Variants in EME1 observed in about 807,000 individuals in gnomAD.
EME1 encodes the protein essential meiotic structure-specific endonuclease 1, also known as structure-specific endonuclease subunit EME1.
In EME1, 61 loss-of-function variants were observed where a neutral mutation model predicts 59.1. The ratio of observed to expected loss-of-function variants is 1.03; its 90% CI spans 0.84 to 1.28. EME1 has a LOEUF of 1.28. Among genes scored for constraint, EME1 ranks in the 50% most tolerant of loss-of-function variants. The pLI, the probability that EME1 is intolerant of heterozygous loss-of-function variation, is 0.00. For missense variants in EME1, 635 were observed against 682.6 expected (o/e 0.93, Z 0.78); for synonymous variants, 230 against 254.2 (o/e 0.90, Z 0.90).
At chr17:50,378,293 C>T (rs1295815207) in intron 3 of EME1, among the ~76,000 whole-genome samples, 1 of 151,078 alleles carries the variant, frequency 6.6e-6, no homozygotes, top group Non-Finnish European at 1.5e-5. Flanking sequence ...GCTTGATCTC[C>T]GACCTCGTGA....
intron 8 of EME1, 90 bp from the exon 9 acceptor site, chr17:50,380,673 T>A: frequency 3.2e-6 from 5 of 1,578,278 alleles, no homozygotes; most frequent in Non-Finnish European, 4.3e-6. Context: ...CAGGTTCTCA[T>A]GCCCCAAGCC....
chr17:50,380,603 A>G (rs1913766241), intron 8 of EME1, 102 bp downstream of exon 8: 11 of 1,539,660 alleles, frequency 7.1e-6, no homozygotes, highest in Non-Finnish European at 9.7e-6. Context: ...AAGGCCTCAC[A>G]GGTCAGCAGT....
Position 50,380,846 on chromosome 17 carries a change from C to G in EME1, c.1620C>G (p.Ser540=). The change falls in exon 9 of 9, where the codon TCC becomes TCG. Residue 540 remains serine (S), a synonymous_variant. Transcript: ENST00000338165. The part of the protein sequence containing the change: ...IQVRRGEGVT[S]TSRRIGPELS... ...TGCGCCGTGGGGAAGGTGTGACATC[C>G]ACTTCTCGCCGCATTGGACCAGAAC... The G allele has an allele frequency of 6.2e-7, 1 of 1,614,186 alleles. No homozygotes were observed.
chr17:50,375,560 C>T lies in EME1; in HGVS notation c.352C>T (p.Pro118Ser), dbSNP rs1440374124. 7.4e-6 allele frequency: 12 copies of T among 1,614,028 alleles called. No homozygotes were observed. The highest frequency in any genetic ancestry group is 1.3e-5 in the African/African-American group (1 of 74,894). ...ACTGAGCCCTGAGGACTCTAGCTCC[C>T]CAGTTAAAAGTGTTTTGGATCATCA... Reference protein sequence around the residue: ...KQLSPEDSSSPVKSVLDHQNN... With the variant: ...KQLSPEDSSSSVKSVLDHQNN... Residue 118 changes from proline (P) to serine (S), a missense_variant, in exon 2 of 9, where the codon CCA becomes TCA. Coordinates refer to ENST00000338165, the MANE Select transcript of EME1 (RefSeq NM_152463.4).
rs565833192 is a variant in EME1, at chr17:50,380,688, G to GT, written c.1537-74dup. ...CAGGTTCTCATGCCCCAAGCCAAGCGTAGCACCCTCCATGCTCATGGAGAA... is the reference window on the plus strand; with the variant it reads ...CAGGTTCTCATGCCCCAAGCCAAGCGTTAGCACCCTCCATGCTCATGGAGAA... On this transcript the variant is annotated intron_variant, in intron 8 of 8. Coordinates refer to ENST00000338165, the MANE Select transcript of EME1 (RefSeq NM_152463.4). The GT allele has an allele frequency of 4.3e-5, 69 of 1,597,344 alleles. No homozygotes were observed. In the East Asian group the frequency reaches 1.4e-3, roughly 33 times the overall value.
chr17:50,375,874 G>A lies in EME1; in HGVS notation c.666G>A (p.Lys222=). The part of the protein sequence containing the change: ...GCRQQRQARQ[K]ESTLRRQERK... ...GGCAGCAGAGACAAGCAAGGCAGAAGGAAAGCACCCTGAGAAGACAGGAAA... is the reference window on the plus strand; with the variant it reads ...GGCAGCAGAGACAAGCAAGGCAGAAAGAAAGCACCCTGAGAAGACAGGAAA... The change falls in exon 2 of 9, where the codon AAG becomes AAA. Residue 222 remains lysine, a synonymous_variant. Coordinates refer to ENST00000338165, the MANE Select transcript of EME1 (RefSeq NM_152463.4). The A allele has an allele frequency of 6.2e-7, 1 of 1,614,188 alleles. No homozygotes were observed. The highest frequency in any genetic ancestry group is 8.5e-7 in the Non-Finnish European group (1 of 1,180,032).
intron 7 of EME1, 63 bp downstream of exon 7, chr17:50,379,630 T>G: frequency 7.1e-7 from 1 of 1,406,844 alleles, no homozygotes; most frequent in Admixed American, 1.8e-5. Flanking sequence ...GCTCTTGCAG[T>G]CAAAGCAAAT....
chr17:50,379,598 G>A (rs1165510963), intron 7 of EME1, 31 bp downstream of exon 7: 2 of 1,590,644 alleles, frequency 1.3e-6, no homozygotes, highest in Non-Finnish European at 1.7e-6. Flanking sequence ...CAGCCTCCAT[G>A]CTGGGCCTGT....
Position 50,375,577 on chromosome 17 carries a change from GGATCATC to G in EME1, c.370_376del (p.Asp124LysfsTer36). ...CTAGCTCCCCAGTTAAAAGTGTTTT[GGATCATC>G]AAAATAATGAAGGTGCATCATGTGA... On this transcript the variant is annotated frameshift_variant, in exon 2 of 9. Coordinates refer to ENST00000338165, the MANE Select transcript of EME1 (RefSeq NM_152463.4). LOFTEE classifies it high-confidence loss of function. 2 of 1,613,002 alleles carry G rather than the reference GGATCATC, an allele frequency of 1.2e-6. No individual in the cohort carries two copies. Among genetic ancestry groups the G allele is most frequent in the South Asian group, 2.2e-5 (2 of 91,052 alleles).
In EME1 at chr17:50,379,242, C is replaced by T; in HGVS notation, c.1230+18C>T. The T allele has an allele frequency of 6.2e-7, 1 of 1,613,750 alleles. No homozygotes were observed. Among genetic ancestry groups the T allele is most frequent in the East Asian group, 2.2e-5 (1 of 44,886 alleles). On this transcript the variant is annotated intron_variant, in intron 6 of 8. Coordinates refer to ENST00000338165, the MANE Select transcript of EME1 (RefSeq NM_152463.4). ...CTGAAGAGGTAAGAACGTCCTGTTG[C>T]CTGAATCGGGCTGGGTACTCACTGG...
In EME1 at chr17:50,381,428, T is replaced by C. The variant is rs931116511; in HGVS notation, c.*489T>C. 1.4e-4 allele frequency: 22 copies of C among 161,548 alleles called. No homozygotes were observed. The highest frequency in any genetic ancestry group is 5.3e-4 in the African/African-American group (22 of 41,580). 10.0% of individuals were successfully genotyped at this position (161,548 alleles called of 1,614,324 possible). A position where few individuals can be genotyped will look rare whatever the true frequency, so the allele number is the denominator to read the frequency against. ...TTCATCTCATTGTGTGTATTATGTA[T>C]TTAGTTTCAATAAAGCATTTGTACC... On this transcript the variant is annotated 3_prime_UTR_variant, in exon 9 of 9. Transcript: ENST00000338165.
chr17:50,375,170 C>T lies in EME1; in HGVS notation c.-24-15C>T. The T allele has an allele frequency of 6.3e-7, 1 of 1,595,318 alleles. No individual in the cohort carries two copies. Among genetic ancestry groups the T allele is most frequent in the Non-Finnish European group, 8.5e-7 (1 of 1,170,780 alleles). ...GAATGCTCCAGTCTGTGTCATATGTCTCTTTTCCTTTTAGGGAATTATTTG... is the reference window on the plus strand; with the variant it reads ...GAATGCTCCAGTCTGTGTCATATGTTTCTTTTCCTTTTAGGGAATTATTTG... On this transcript the variant is annotated splice_polypyrimidine_tract_variant and intron_variant, in intron 1 of 8. Transcript: ENST00000338165.
In EME1 at chr17:50,380,910, C is replaced by T. The variant is rs756425292; in HGVS notation, c.1684C>T (p.Pro562Ser). 7 of 1,614,046 alleles carry T rather than the reference C, an allele frequency of 4.3e-6. No individual in the cohort carries two copies. The highest frequency in any genetic ancestry group is 2.7e-5 in the African/African-American group (2 of 74,916). Residue 562 changes from proline (P) to serine (S), a missense_variant, in exon 9 of 9, where the codon CCA becomes TCA. Transcript: ENST00000338165. ...CTACCTTCAGATGACCACTTTACAGCCACATCTCTCTTTAGATAGTGCTGA... is the reference window on the plus strand; with the variant it reads ...CTACCTTCAGATGACCACTTTACAGTCACATCTCTCTTTAGATAGTGCTGA... ...RIYLQMTTLQ[P>S]HLSLDSAD
rs201414369 is a variant in EME1 at position 50,380,824 on chromosome 17, G to A, written c.1598G>A (p.Arg533His). Reference sequence around the variant, plus strand: ...AATTTGCTCGCAGACATACAGGTGCGCCGTGGGGAAGGTGTGACATCCACT... The same window carrying A: ...AATTTGCTCGCAGACATACAGGTGCACCGTGGGGAAGGTGTGACATCCACT... The part of the protein sequence containing the change: ...RQNLLADIQV[R>H]RGEGVTSTSR... Residue 533 changes from arginine (R) to histidine (H), a missense_variant, in exon 9 of 9, where the codon CGC becomes CAC. By Grantham distance (29) the Arg-to-His change is conservative (BLOSUM62 0). Coordinates refer to ENST00000338165, the MANE Select transcript of EME1 (RefSeq NM_152463.4). 111 of 1,614,062 alleles carry A rather than the reference G, an allele frequency of 6.9e-5. No individual in the cohort carries two copies. Among genetic ancestry groups the A allele is most frequent in the East Asian group, 1.3e-4 (6 of 44,890 alleles).
At chr17:50,379,309 G>A in intron 6 of EME1, 85 bp downstream of exon 6, 1 of 1,599,166 alleles carries the variant, frequency 6.3e-7, no homozygotes, top group Non-Finnish European at 8.5e-7. Flanking sequence ...AATGCCTGCT[G>A]CGTACTGTTT....
chr17:50,378,601 G>A lies in EME1; in HGVS notation c.910G>A (p.Glu304Lys). 1 of 1,613,728 alleles carries A rather than the reference G, an allele frequency of 6.2e-7. No homozygotes were observed. Among genetic ancestry groups the A allele is most frequent in the Non-Finnish European group, 8.5e-7 (1 of 1,179,946 alleles). Residue 304 changes from glutamate (E) to lysine (K), a missense_variant, in exon 4 of 9, where the codon GAG becomes AAG. By Grantham distance (56) the Glu-to-Lys change is moderately conservative. Coordinates refer to ENST00000338165, the MANE Select transcript of EME1 (RefSeq NM_152463.4). ...GTTCTGGGTACTTTGGCAGGACAGA[G>A]AGGACTGGGTGGAGGAGCCAACAGT... ...RRRAGPSEDREDWVEEPTVLV... is the reference protein window; with the variant it reads ...RRRAGPSEDRKDWVEEPTVLV...
intron 3 of EME1, among the ~76,000 whole-genome samples, chr17:50,377,773 T>C (rs1045612208): frequency 6.6e-6 from 1 of 151,634 alleles, no homozygotes; most frequent in Admixed American, 6.6e-5. Context: ...TTTTTTTTTT[T>C]GAGACAGAGT....
Position 50,380,475 on chromosome 17 carries a change from T to C in EME1, c.1510T>C (p.Tyr504His). ...AATGGCCAGTGCAGTTGTGAATGCCTATCCCTCCCCACAGCTCCTGGTACA... is the reference window on the plus strand; with the variant it reads ...AATGGCCAGTGCAGTTGTGAATGCCCATCCCTCCCCACAGCTCCTGGTACA... ...LEMASAVVNA[Y>H]PSPQLLVQAY... Residue 504 changes from tyrosine (Y) to histidine (H), a missense_variant, in exon 8 of 9, where the codon TAT (tyrosine) becomes CAT (histidine). Tyr to His is a moderately conservative substitution (Grantham distance 83, BLOSUM62 2). Transcript: ENST00000338165. 1 of 1,614,036 alleles carries C rather than the reference T, an allele frequency of 6.2e-7. No individual in the cohort carries two copies. The highest frequency in any genetic ancestry group is 8.5e-7 in the Non-Finnish European group (1 of 1,180,036).
chr17:50,380,632 G>A (rs1371842571), intron 8 of EME1, 131 bp downstream of exon 8: 6 of 1,530,090 alleles, frequency 3.9e-6, no homozygotes, highest in African/African-American at 1.4e-5. Context: ...ACTAAGATCA[G>A]TGTTGCTAAT....
Sources: allele counts gnomAD v4.1 joint callset (sites outside exome capture counted in the v4.1 genomes callset), GRCh38; gene constraint gnomAD v4.1.1; transcripts MANE v1.5; gene names NCBI Gene and HGNC (gene_info 2026-07-23, HGNC 2026-07-21).